IMMP2L: variants seen among roughly 807,000 people sequenced by gnomAD.
The protein encoded by IMMP2L is mitochondrial inner membrane protease subunit 2.
IMMP2L carries 18 observed loss-of-function variants against 19.3 expected under a neutral mutation model. The observed-to-expected ratio is 0.93, with a 90% CI of 0.64 to 1.38. The LOEUF is 1.38. Ranked by LOEUF, IMMP2L falls within the 40% of genes most tolerant of loss-of-function variation. The pLI is 0.00. For synonymous variants in IMMP2L, 76 were observed against 73.0 expected (o/e 1.04, Z -0.21); for missense variants, 233 against 218.2 (o/e 1.07, Z -0.43).
chr7:111,258,709 T>C (rs1014066599), intron 3 of IMMP2L, among the ~76,000 whole-genome samples: 1 of 152,062 alleles, frequency 6.6e-6, no homozygotes, highest in African/African-American at 2.4e-5. Context: ...TTGCGCCATG[T>C]TGGCCAGGCT....
intron 3 of IMMP2L, among the ~76,000 whole-genome samples, chr7:111,261,255 A>G (rs1712410597): frequency 6.6e-6 from 1 of 152,142 alleles, no homozygotes; most frequent in African/African-American, 2.4e-5. Context: ...AATGAACCTC[A>G]TAATATTCCC....
chr7:111,490,752 T>C (rs1458050289), intron 2 of IMMP2L, among the ~76,000 whole-genome samples: 1 of 152,152 alleles, frequency 6.6e-6, no homozygotes, highest in African/African-American at 2.4e-5. Flanking sequence ...TAATAACTAT[T>C]ATCTAATTAA....
chr7:111,031,621 G>A (rs1442476612), intron 3 of IMMP2L, among the ~76,000 whole-genome samples: 2 of 152,074 alleles, frequency 1.3e-5, no homozygotes, highest in Non-Finnish European at 2.9e-5. Flanking sequence ...AAAGAGGCAA[G>A]TATATCCAAC....
At chr7:111,043,754 T>C (rs766417448) in intron 3 of IMMP2L, among the ~76,000 whole-genome samples, 1 of 152,212 alleles carries the variant, frequency 6.6e-6, no homozygotes, top group Non-Finnish European at 1.5e-5. Flanking sequence ...AATGAAGAAA[T>C]CTTAGTTAAT....
At chr7:111,382,963 C>T (rs149228343) in intron 3 of IMMP2L, among the ~76,000 whole-genome samples, 1 of 152,160 alleles carries the variant, frequency 6.6e-6, no homozygotes, top group Non-Finnish European at 1.5e-5. Context: ...GCCAAGGACA[C>T]AGATTCATCC....
At chr7:111,024,038 T>C (rs970832274) in intron 3 of IMMP2L, among the ~76,000 whole-genome samples, 3 of 152,174 alleles carry the variant, frequency 2.0e-5, no homozygotes, top group African/African-American at 7.2e-5. Flanking sequence ...CACAAATGAA[T>C]AGATCTGAAA....
At chr7:111,507,353 G>T (rs577618371) in intron 2 of IMMP2L, among the ~76,000 whole-genome samples, 2 of 152,128 alleles carry the variant, frequency 1.3e-5, no homozygotes, top group African/African-American at 4.8e-5. Flanking sequence ...TACGAAGCCA[G>T]CTGACAATTT....
chr7:110,999,379 C>T (rs1483989847), intron 3 of IMMP2L, among the ~76,000 whole-genome samples: 3 of 123,792 alleles, frequency 2.4e-5, no homozygotes, highest in Middle Eastern at 5.2e-3. Context: ...GGCATCTATG[C>T]TTTATAGCTT....
intron 3 of IMMP2L, among the ~76,000 whole-genome samples, chr7:111,107,419 C>T (rs139416153): frequency 1.7e-4 from 26 of 152,118 alleles, no homozygotes; most frequent in Admixed American, 2.6e-4. Flanking sequence ...GTTTCAACCT[C>T]TTACCACCTT....
chr7:111,553,451 T>C (rs1381597160), intron 1 of IMMP2L, among the ~76,000 whole-genome samples: 2 of 152,142 alleles, frequency 1.3e-5, no homozygotes, highest in Non-Finnish European at 2.9e-5. Flanking sequence ...ATAAGTCCAT[T>C]TGTGGTGCTC....
chr7:111,511,826 C>G (rs1845476468), intron 2 of IMMP2L, among the ~76,000 whole-genome samples: 1 of 152,088 alleles, frequency 6.6e-6, no homozygotes, highest in African/African-American at 2.4e-5. Flanking sequence ...CAGGGCCCAG[C>G]AAGGAGCTGG....
intron 5 of IMMP2L, among the ~76,000 whole-genome samples, chr7:110,842,565 GT>G (rs1224442944): frequency 6.6e-6 from 1 of 152,196 alleles, no homozygotes; most frequent in Non-Finnish European, 1.5e-5. Context: ...AGCTTATTGT[GT>G]TTTTAACCTT....
chr7:111,432,906 G>A (rs1290405857), intron 3 of IMMP2L, among the ~76,000 whole-genome samples: 3 of 148,968 alleles, frequency 2.0e-5, no homozygotes. Context: ...CACCAGTAAC[G>A]ACCTAGCCAA....
At chr7:111,259,628 C>T (rs1817095548) in intron 3 of IMMP2L, among the ~76,000 whole-genome samples, 1 of 147,850 alleles carries the variant, frequency 6.8e-6, no homozygotes, top group South Asian at 2.2e-4. Flanking sequence ...GCAAAGTGAC[C>T]CTGTCCCTAA....
At chr7:111,121,972 G>T (rs1400090325) in intron 3 of IMMP2L, among the ~76,000 whole-genome samples, 2 of 150,744 alleles carry the variant, frequency 1.3e-5, no homozygotes, top group African/African-American at 2.4e-5. Flanking sequence ...GCAAACTATC[G>T]CAAGGACAAA....
chr7:111,141,212 C>G (rs969025180), intron 3 of IMMP2L, among the ~76,000 whole-genome samples: 3 of 151,888 alleles, frequency 2.0e-5, no homozygotes, highest in Non-Finnish European at 4.4e-5. Context: ...AAATTCCATA[C>G]TTATAATACT....
intron 3 of IMMP2L, among the ~76,000 whole-genome samples, chr7:111,053,213 T>C (rs1306849076): frequency 2.0e-5 from 3 of 152,312 alleles, no homozygotes; most frequent in East Asian, 3.9e-4. Context: ...ATTTGACCTT[T>C]TGACTTGGGG....
At chr7:111,131,505 A>G (rs10243966) in intron 3 of IMMP2L, among the ~76,000 whole-genome samples, 1 of 152,048 alleles carries the variant, frequency 6.6e-6, no homozygotes, top group Non-Finnish European at 1.5e-5. Context: ...TAAATTGTGA[A>G]TATGTGCCAG....
chr7:111,269,656 AAAAC>A (rs1453466242), intron 3 of IMMP2L, among the ~76,000 whole-genome samples: 3 of 152,130 alleles, frequency 2.0e-5, no homozygotes, highest in Non-Finnish European at 2.9e-5. Flanking sequence ...TTTTTAAAAA[AAAAC>A]AATGTTCACA....
Sources: allele counts gnomAD v4.1 joint callset (sites outside exome capture counted in the v4.1 genomes callset), GRCh38; gene constraint gnomAD v4.1.1; transcripts MANE v1.5; gene names NCBI Gene and HGNC (gene_info 2026-07-23, HGNC 2026-07-21).